COL19A1: variants seen among roughly 807,000 people sequenced by gnomAD.
COL19A1 encodes the protein collagen alpha-1(XIX) chain.
In COL19A1, 159 loss-of-function variants were observed where a neutral mutation model predicts 190.2. The ratio of observed to expected loss-of-function variants is 0.84; its 90% CI spans 0.73 to 0.95. The LOEUF (loss-of-function observed/expected upper bound fraction) is 0.95, where lower values mean the gene tolerates loss of function less well. Ranked by LOEUF, COL19A1 falls within the 40% of genes least tolerant of loss-of-function variation. COL19A1 has a pLI of 0.00. For missense variants in COL19A1, 1,418 were observed against 1,431.9 expected (o/e 0.99, Z 0.16); for synonymous variants, 509 against 458.9 (o/e 1.11, Z -1.39).
At chr6:69,990,104 T>A (rs1482092686) in intron 11 of COL19A1, among the ~76,000 whole-genome samples, 3 of 152,088 alleles carry the variant, frequency 2.0e-5, no homozygotes, top group Non-Finnish European at 4.4e-5. Context: ...GTCCTAGGCA[T>A]AATAAAAAAT....
At chr6:69,931,312 A>G (rs1221107502) in intron 6 of COL19A1, among the ~76,000 whole-genome samples, 1 of 152,158 alleles carries the variant, frequency 6.6e-6, no homozygotes, top group Non-Finnish European at 1.5e-5. Context: ...CTCCTTCTAA[A>G]GCACTATATC....
chr6:70,162,032 C>T, intron 35 of COL19A1, 79 bp downstream of exon 35: 2 of 1,327,926 alleles, frequency 1.5e-6, no homozygotes, highest in Middle Eastern at 1.9e-4. Flanking sequence ...TTCTTCATTG[C>T]CTTTTGTTCT....
chr6:70,199,387 C>G lies in COL19A1; in HGVS notation c.3095-221C>G, dbSNP rs538794120. 8.7e-4 allele frequency among the ~76,000 whole-genome samples: 132 copies of G among 152,220 alleles called. 3 individuals are homozygous for G. Among genetic ancestry groups the G allele is most frequent in the Non-Finnish European group, 2.5e-4 (17 of 68,040 alleles). ...CTCAGAAGCACTGAAAATTCTCAGA[C>G]TTTCTGAGTGACACAGCTGGTCTGC... On this transcript the variant is annotated intron_variant, in intron 48 of 50. Coordinates refer to ENST00000620364, the MANE Select transcript of COL19A1 (RefSeq NM_001858.6).
chr6:70,160,495 G>C (rs369960058), intron 34 of COL19A1, among the ~76,000 whole-genome samples: 1 of 152,076 alleles, frequency 6.6e-6, no homozygotes, highest in East Asian at 1.9e-4. Flanking sequence ...GAAAACCCTG[G>C]AAATGTTTCC....
chr6:70,157,937 C>T (rs964565556), intron 34 of COL19A1, among the ~76,000 whole-genome samples: 9 of 152,070 alleles, frequency 5.9e-5, no homozygotes, highest in African/African-American at 2.2e-4. Flanking sequence ...ATTGATTCTA[C>T]AGGGCACTTT....
Position 70,208,108 on chromosome 6 carries a change from A to G in COL19A1, c.*834A>G, listed in dbSNP as rs1732120805. ...TGGTAAACAGAAAGCTGTTTTCCCTACAAGGTGCTTGGTGGTGAAGCCACC... is the reference window on the plus strand; with the variant it reads ...TGGTAAACAGAAAGCTGTTTTCCCTGCAAGGTGCTTGGTGGTGAAGCCACC... On this transcript the variant is annotated 3_prime_UTR_variant, in exon 51 of 51. Transcript: ENST00000620364. 1 of 152,166 alleles carries G rather than the reference A, an allele frequency of 6.6e-6. No individual in the cohort carries two copies. The highest frequency in any genetic ancestry group is 2.1e-4 in the South Asian group (1 of 4,832). 9.4% of individuals were successfully genotyped at this position (152,166 alleles called of 1,614,324 possible).
chr6:69,982,973 AAAATAAATAAATAAAT>A (rs56922945), intron 11 of COL19A1, among the ~76,000 whole-genome samples: 1,601 of 132,620 alleles, frequency 0.012, 39 homozygotes, highest in African/African-American at 0.042. Flanking sequence ...CTCTGTCTCA[AAAATAAATAAATAAAT>A]AAATAAATAA....
At position 70,208,071 on chromosome 6, in the gene COL19A1, C is replaced by T. The variant is rs187613825; in HGVS notation, c.*797C>T. The T allele has an allele frequency of 1.3e-5, 2 of 152,306 alleles. No individual in the cohort carries two copies. Among genetic ancestry groups the T allele is most frequent in the African/African-American group, 4.8e-5 (2 of 41,568 alleles). The allele number at this position is 152,306 out of a possible 1,614,324, so 9.4% of individuals were successfully genotyped here. A position where few individuals can be genotyped will look rare whatever the true frequency, so the allele number is the denominator to read the frequency against. On this transcript the variant is annotated 3_prime_UTR_variant, in exon 51 of 51. Coordinates refer to ENST00000620364, the MANE Select transcript of COL19A1 (RefSeq NM_001858.6). ...CCTAATATTCTGTGGTCCCCTCACTCAGTCTCTCATTTGGTAAACAGAAAG... is the reference window on the plus strand; with the variant it reads ...CCTAATATTCTGTGGTCCCCTCACTTAGTCTCTCATTTGGTAAACAGAAAG...
intron 1 of COL19A1, among the ~76,000 whole-genome samples, chr6:69,871,144 T>G (rs946951178): frequency 2.6e-5 from 4 of 152,192 alleles, no homozygotes; most frequent in Non-Finnish European, 4.4e-5. Flanking sequence ...TCGTAAACTC[T>G]TAGGGATATT....
intron 49 of COL19A1, 39 bp from the exon 50 acceptor site, chr6:70,206,862 C>G (rs369354551): frequency 2.5e-6 from 4 of 1,577,750 alleles, no homozygotes; most frequent in Non-Finnish European, 2.6e-6. Flanking sequence ...GCCATAGAAC[C>G]CTTTTTGTGT....
intron 40 of COL19A1, among the ~76,000 whole-genome samples, chr6:70,171,644 G>A (rs1372809257): frequency 1.3e-5 from 2 of 152,082 alleles, no homozygotes; most frequent in Non-Finnish European, 2.9e-5. Context: ...CTTTATTAAA[G>A]CCCCATCTTT....
chr6:69,866,825 G>C (rs1276558822), intron 1 of COL19A1, among the ~76,000 whole-genome samples, 185 bp downstream of exon 1: 1 of 152,166 alleles, frequency 6.6e-6, no homozygotes, highest in Non-Finnish European at 1.5e-5. Context: ...TTTCCATAGG[G>C]GCCTTAAGGA....
rs535919856 is a variant in COL19A1, at chr6:70,168,187, C to A, written c.2513C>A (p.Pro838His). 1.9e-6 allele frequency: 3 copies of A among 1,612,474 alleles called. No individual in the cohort carries two copies. In the African/African-American group the frequency reaches 4.0e-5, roughly 22 times the overall value. Reference sequence around the variant, plus strand: ...CTTTTGAAGGGAGGTGTGAATGTTCCCAGTTACCCAGGGCCACCCGGTCCT... The same window carrying A: ...CTTTTGAAGGGAGGTGTGAATGTTCACAGTTACCCAGGGCCACCCGGTCCT... ...LYKIKGGVNV[P>H]SYPGPPGPPG... Residue 838 changes from proline (P) to histidine (H), a missense_variant, in exon 39 of 51, where the codon CCC becomes CAC. Physicochemically the swap from Pro to His is moderately conservative, Grantham distance 77. Coordinates refer to ENST00000620364, the MANE Select transcript of COL19A1 (RefSeq NM_001858.6).
intron 9 of COL19A1, 121 bp from the exon 10 acceptor site, chr6:69,959,875 A>G: frequency 1.4e-6 from 1 of 725,142 alleles, no homozygotes; most frequent in Non-Finnish European, 2.2e-6. Flanking sequence ...TATGCATGAT[A>G]GATATTCAGT....
chr6:70,068,422 G>T lies in COL19A1; in HGVS notation c.1171-1G>T. ...TAACATGTGTCTCTTTTTCCTCATAGGGTTCCCTGGGGATACAAGGCCCCC... is the reference window on the plus strand; with the variant it reads ...TAACATGTGTCTCTTTTTCCTCATATGGTTCCCTGGGGATACAAGGCCCCC... On this transcript the variant is annotated splice_acceptor_variant, in intron 14 of 50. Transcript: ENST00000620364. LOFTEE classifies it high-confidence loss of function. 1 of 1,588,696 alleles carries T rather than the reference G, an allele frequency of 6.3e-7. No homozygotes were observed. The highest frequency in any genetic ancestry group is 8.6e-7 in the Non-Finnish European group (1 of 1,157,894).
At chr6:70,076,768 T>C (rs75105085) in intron 15 of COL19A1, among the ~76,000 whole-genome samples, 2,763 of 152,296 alleles carry the variant, frequency 0.018, 91 homozygotes, top group African/African-American at 0.061. Context: ...GTCTTATAAA[T>C]ATTACCTACT....
rs557172846 is a variant in COL19A1 at position 69,895,551 on chromosome 6, G to C, written c.92-3397G>C. ...AGAAACAGGGACTCTGTCTAGGCCA[G>C]AGTCCCTGCTAGAGCACTTCCCGCC... On this transcript the variant is annotated intron_variant, in intron 2 of 50. Transcript: ENST00000620364. 5.9e-5 allele frequency among the ~76,000 whole-genome samples: 9 copies of C among 152,326 alleles called. No homozygotes were observed. In the East Asian group the frequency reaches 9.6e-4, roughly 16 times the overall value.
intron 42 of COL19A1, among the ~76,000 whole-genome samples, chr6:70,178,871 A>G (rs1006483056): frequency 1.3e-5 from 2 of 152,172 alleles, no homozygotes; most frequent in Non-Finnish European, 2.9e-5. Flanking sequence ...GTTTACAGGA[A>G]GAAGTGCCTG....
chr6:70,044,756 C>T (rs1368023234), intron 14 of COL19A1, among the ~76,000 whole-genome samples: 2 of 152,112 alleles, frequency 1.3e-5, no homozygotes, highest in African/African-American at 4.8e-5. Flanking sequence ...CCATAAAACT[C>T]TGTTCATTTT....
Sources: gnomAD v4.1 joint callset for allele counts (sites outside exome capture counted in the v4.1 genomes callset) on GRCh38, gnomAD v4.1.1 for gene constraint, MANE v1.5 for transcripts, NCBI Gene and HGNC (gene_info 2026-07-23, HGNC 2026-07-21) for gene names.